Variants in TACC1 observed in about 807,000 individuals in gnomAD.
TACC1 encodes the protein transforming acidic coiled-coil-containing protein 1.
In TACC1, 48 loss-of-function variants were observed where a neutral mutation model predicts 84.4. The observed-to-expected ratio is 0.57, with a 90% CI of 0.45 to 0.72. The LOEUF (loss-of-function observed/expected upper bound fraction) is 0.72. TACC1 is among the 30% of genes least tolerant of loss of function. The pLI, the probability that TACC1 is intolerant of heterozygous loss-of-function variation, is 0.00. For missense variants in TACC1, 920 were observed against 973.0 expected, an observed-to-expected ratio of 0.95 and a Z score of 0.72; for synonymous variants, 372 against 376.3, an observed-to-expected ratio of 0.99 and a Z score of 0.13.
intron 4 of TACC1, among the ~76,000 whole-genome samples, chr8:38,826,590 G>A (rs1010777535): frequency 1.3e-4 from 20 of 152,176 alleles, no homozygotes; most frequent in African/African-American, 4.1e-4. Context: ...CCATGCAGAT[G>A]TTTTTCATTT....
chr8:38,782,970 T>A (rs1816325937), upstream of TACC1, among the ~76,000 whole-genome samples: 1 of 152,108 alleles, frequency 6.6e-6, no homozygotes, highest in Admixed American at 6.6e-5. Context: ...TAAAGTGAAC[T>A]TTCTTATAAA....
intron 3 of TACC1, among the ~76,000 whole-genome samples, chr8:38,822,360 A>C (rs543280319): frequency 6.6e-6 from 1 of 152,124 alleles, no homozygotes; most frequent in African/African-American, 2.4e-5. Context: ...TATAAAAGAT[A>C]AAAAATAATA....
At chr8:38,766,920 A>G (rs1372925131) in intron 3 of TACC1, among the ~76,000 whole-genome samples, 1 of 152,172 alleles carries the variant, frequency 6.6e-6, no homozygotes, top group Non-Finnish European at 1.5e-5. Flanking sequence ...TCTACTAGAA[A>G]AGGAGTTTTT....
At chr8:38,743,948 G>A (rs1452397582) in intron 2 of TACC1, 3 of 152,244 alleles carry the variant, frequency 2.0e-5, no homozygotes, top group African/African-American at 7.2e-5. Context: ...GAGCCTCCAT[G>A]GTTTCAGGGA....
Position 38,819,724 on chromosome 8 carries a change from G to T in TACC1, c.480G>T (p.Thr160=), listed in dbSNP as rs16887780. 2 of 1,614,116 alleles carry T rather than the reference G, an allele frequency of 1.2e-6. No individual in the cohort carries two copies. The highest frequency in any genetic ancestry group is 1.6e-4 in the Middle Eastern group (1 of 6,062). Residue 160 remains threonine (T), a synonymous_variant, in exon 3 of 13, where the codon ACG becomes ACT. Transcript: ENST00000317827. ...TTTCAATAGAAACGAAGGATTCCAC[G>T]GATATCTCGGCAGTCCTCGGAACAA... is the stretch of plus-strand genomic sequence containing the variant. ...RPFSIETKDS[T]DISAVLGTKA...
Position 38,820,233 on chromosome 8 carries a change from A to C in TACC1, c.989A>C (p.Asn330Thr). ...LEFDFTEDTG[N>T]IEARKALPRK... ...TTTGATTTCACAGAAGATACAGGAA[A>C]CATAGAGGCCAGGAAAGCCCTTCCA... Residue 330 changes from asparagine to threonine, a missense_variant, in exon 3 of 13, where the codon AAC becomes ACC. Asn to Thr is a moderately conservative substitution (Grantham distance 65). Coordinates refer to ENST00000317827, the MANE Select transcript of TACC1 (RefSeq NM_006283.3). 1 of 1,614,140 alleles carries C rather than the reference A, an allele frequency of 6.2e-7. No homozygotes were observed. The highest frequency in any genetic ancestry group is 8.5e-7 in the Non-Finnish European group (1 of 1,180,024).
chr8:38,751,016 A>G (rs1421193755), intron 3 of TACC1, among the ~76,000 whole-genome samples: 1 of 152,226 alleles, frequency 6.6e-6, no homozygotes, highest in South Asian at 2.1e-4. Context: ...GGAACACTTC[A>G]GCTACCTGAT....
In TACC1 at chr8:38,813,904, G is replaced by A. The variant is rs115111057; in HGVS notation, c.278-5618G>A. Reference sequence around the variant, plus strand: ...ATGTATACATCATTGAGAAAGGGGCGTTTCATAGAAATTAAGCTGGGGCAG... The same window carrying A: ...ATGTATACATCATTGAGAAAGGGGCATTTCATAGAAATTAAGCTGGGGCAG... On this transcript the variant is annotated intron_variant, in intron 2 of 12. Coordinates refer to ENST00000317827, the MANE Select transcript of TACC1 (RefSeq NM_006283.3). Among the ~76,000 whole-genome samples, 793 of 152,252 alleles carry A rather than the reference G, an allele frequency of 5.2e-3. 8 individuals carry two copies. The highest frequency in any genetic ancestry group is 0.018 in the African/African-American group (748 of 41,524).
chr8:38,738,638 C>A (rs1387842892), intron 1 of TACC1, among the ~76,000 whole-genome samples: 1 of 150,508 alleles, frequency 6.6e-6, no homozygotes, highest in Non-Finnish European at 1.5e-5. Context: ...TATTGTGGGT[C>A]TTGGTGTTGT....
intron 2 of TACC1, among the ~76,000 whole-genome samples, chr8:38,801,125 A>G (rs867730720): frequency 4.6e-5 from 7 of 152,214 alleles, no homozygotes; most frequent in Non-Finnish European, 1.0e-4. Flanking sequence ...ACTAAGTTAT[A>G]TATTCTAGAT....
intron 2 of TACC1, among the ~76,000 whole-genome samples, chr8:38,799,431 G>T (rs1375170687): frequency 6.6e-6 from 1 of 152,142 alleles, no homozygotes; most frequent in Non-Finnish European, 1.5e-5. Flanking sequence ...GCCCCTGTGG[G>T]GCTCCGAGTC....
intron 9 of TACC1, 120 bp from the exon 10 acceptor site, chr8:38,842,167 T>C: frequency 8.7e-7 from 1 of 1,150,524 alleles, no homozygotes; most frequent in Admixed American, 2.2e-5. Flanking sequence ...GTATAAGCCA[T>C]AAGAGCGGGA....
chr8:38,757,625 G>T (rs1339208498), intron 3 of TACC1, among the ~76,000 whole-genome samples: 2 of 151,984 alleles, frequency 1.3e-5, no homozygotes, highest in Admixed American at 6.5e-5. Flanking sequence ...CACCGCGACC[G>T]GATCGCGTCC....
At chr8:38,831,037 G>T (rs143937627) in intron 5 of TACC1, 88 bp from the exon 6 acceptor site, 14 of 1,150,542 alleles carry the variant, frequency 1.2e-5, no homozygotes, top group African/African-American at 4.6e-5. Flanking sequence ...AGTCATTCTC[G>T]CCTGCACTGG....
At chr8:38,742,490 AT>A in intron 2 of TACC1, 1 of 1,447,372 alleles carries the variant, frequency 6.9e-7, no homozygotes, top group Non-Finnish European at 9.3e-7. Flanking sequence ...CCTGGGATGG[AT>A]TTTAAAGTAA....
intron 3 of TACC1, chr8:38,757,500 G>A: frequency 9.2e-7 from 1 of 1,084,262 alleles, no homozygotes; most frequent in Non-Finnish European, 1.1e-6. Flanking sequence ...CAGAAAGGCT[G>A]GGAAGGTGGG....
At chr8:38,832,394 C>T (rs1440676171) in intron 6 of TACC1, among the ~76,000 whole-genome samples, 6 of 152,230 alleles carry the variant, frequency 3.9e-5, no homozygotes, top group Non-Finnish European at 8.8e-5. Flanking sequence ...TGGTGAGGAA[C>T]ATATCATATG....
intron 3 of TACC1, among the ~76,000 whole-genome samples, chr8:38,760,537 T>C (rs1309636597): frequency 1.3e-5 from 2 of 152,148 alleles, no homozygotes; most frequent in Non-Finnish European, 2.9e-5. Context: ...TCAGACCTAA[T>C]TGTTTTTTTT....
At chr8:38,818,940 G>T (rs1383234637) in intron 2 of TACC1, among the ~76,000 whole-genome samples, 2 of 152,092 alleles carry the variant, frequency 1.3e-5, no homozygotes, top group African/African-American at 4.8e-5. Flanking sequence ...ACCATGTCTA[G>T]CTAATTTTTG....
Sources: allele counts gnomAD v4.1 joint callset (sites outside exome capture counted in the v4.1 genomes callset), GRCh38; gene constraint gnomAD v4.1.1; transcripts MANE v1.5; gene names NCBI Gene and HGNC (gene_info 2026-07-23, HGNC 2026-07-21).